The following CSMD1 variants were observed in gnomAD, a reference collection of about 807,000 sequenced individuals.
CSMD1 encodes the protein CUB and sushi domain-containing protein 1.
In CSMD1, 213 loss-of-function variants were observed where a neutral mutation model predicts 417.5. The observed-to-expected ratio is 0.51, with a 90% CI of 0.46 to 0.57. CSMD1 has a LOEUF of 0.57. CSMD1 is among the 20% of genes least tolerant of loss of function. The pLI is 0.00. For synonymous variants in CSMD1, 2,862 were observed against 1,736.8 expected (o/e 1.65, Z -16.11); for missense variants, 6,923 against 4,529.7 (o/e 1.53, Z -15.17).
rs1187651578 is a variant in CSMD1 at position 4,184,759 on chromosome 8, G to T, written c.416-152660C>A. Among the ~76,000 whole-genome samples, 4 of 115,670 alleles carry T rather than the reference G, an allele frequency of 3.5e-5. No individual in the cohort carries two copies. In the East Asian group the frequency reaches 8.0e-4, roughly 23 times the overall value. The allele number at this position is 115,670 out of a possible 152,430, so 75.9% of individuals were successfully genotyped here. A position where few individuals can be genotyped will look rare whatever the true frequency, so the allele number is the denominator to read the frequency against. On this transcript the variant is annotated intron_variant, in intron 3 of 69. Transcript: ENST00000635120. ...CTAATGGGTACTGGGCTTAATACCT[G>T]GGTGATGAAATAATCTGTACCACAA...
chr8:3,817,477 C>T (rs1043563947), intron 5 of CSMD1, among the ~76,000 whole-genome samples: 1 of 151,606 alleles, frequency 6.6e-6, no homozygotes, highest in Non-Finnish European at 1.5e-5. Context: ...GACGGGGTTT[C>T]ACCTCGTTAG....
chr8:4,373,999 C>G (rs1802558651), intron 3 of CSMD1, among the ~76,000 whole-genome samples: 1 of 152,164 alleles, frequency 6.6e-6, no homozygotes, highest in East Asian at 1.9e-4. Flanking sequence ...CCAGTATGAA[C>G]TATGACAGAA....
At chr8:4,328,586 A>C (rs1428219404) in intron 3 of CSMD1, among the ~76,000 whole-genome samples, 1 of 152,174 alleles carries the variant, frequency 6.6e-6, no homozygotes, top group Admixed American at 6.5e-5. Flanking sequence ...AATGAAAAAA[A>C]ATTAAAAATG....
At chr8:3,163,745 C>G (rs1820040274) in intron 37 of CSMD1, among the ~76,000 whole-genome samples, 1 of 152,170 alleles carries the variant, frequency 6.6e-6, no homozygotes, top group Non-Finnish European at 1.5e-5. Context: ...GTCGAAGCTA[C>G]AGAGTCAGCA....
intron 50 of CSMD1, among the ~76,000 whole-genome samples, chr8:3,045,925 G>A (rs114486958): frequency 6.6e-6 from 1 of 152,116 alleles, no homozygotes; most frequent in Non-Finnish European, 1.5e-5. Flanking sequence ...GAAGACAGTA[G>A]GGGGTATAGG....
At chr8:4,270,091 T>C (rs1032586284) in intron 3 of CSMD1, among the ~76,000 whole-genome samples, 1 of 152,158 alleles carries the variant, frequency 6.6e-6, no homozygotes, top group African/African-American at 2.4e-5. Context: ...CATGATCAGA[T>C]CAATATTTCA....
At chr8:4,241,771 T>G (rs531649399) in intron 3 of CSMD1, among the ~76,000 whole-genome samples, 7 of 151,490 alleles carry the variant, frequency 4.6e-5, no homozygotes, top group Non-Finnish European at 1.0e-4. Context: ...TGGCGTGATC[T>G]CAGATGTCTG....
rs924419524 is a variant in CSMD1, at chr8:2,943,924, C to G, written c.10403-1320G>C. Among the ~76,000 whole-genome samples, 3 of 152,114 alleles carry G rather than the reference C, an allele frequency of 2.0e-5. No homozygotes were observed. The South Asian group carries it at 6.2e-4, about 32-fold the overall frequency. The stretch of plus-strand genomic sequence containing the variant: ...TTTATTGTTTTATAAACCAGAAATG[C>G]AAAAAATCAATCAAATATTAAAAAT... On this transcript the variant is annotated intron_variant, in intron 68 of 69. Transcript: ENST00000635120.
At chr8:4,994,142 C>T (rs1811629487) in intron 1 of CSMD1, among the ~76,000 whole-genome samples, 190 bp downstream of exon 1, 1 of 151,850 alleles carries the variant, frequency 6.6e-6, no homozygotes, top group Non-Finnish European at 1.5e-5. Flanking sequence ...GGCGGGGGCC[C>T]AGGAGGGCTG....
intron 3 of CSMD1, among the ~76,000 whole-genome samples, chr8:4,176,411 T>A (rs910936676): frequency 6.6e-6 from 1 of 152,120 alleles, no homozygotes; most frequent in Non-Finnish European, 1.5e-5. Context: ...TTTTCTCTTA[T>A]TTACCATGAT....
chr8:4,554,610 G>A (rs932337375), intron 2 of CSMD1, among the ~76,000 whole-genome samples: 2 of 152,140 alleles, frequency 1.3e-5, no homozygotes, highest in Non-Finnish European at 2.9e-5. Flanking sequence ...CCGTTCTCAG[G>A]ATGTGTTGAT....
chr8:4,437,114 T>A (rs1798192821), intron 2 of CSMD1, among the ~76,000 whole-genome samples: 6 of 152,174 alleles, frequency 3.9e-5, no homozygotes, highest in Admixed American at 3.9e-4. Flanking sequence ...CTACAGTTGC[T>A]ACCCAAAAGA....
At chr8:3,956,798 T>C (rs2740851) in intron 5 of CSMD1, among the ~76,000 whole-genome samples, 68,806 of 151,888 alleles carry the variant, frequency 0.45, 16,455 homozygotes, top group East Asian at 0.73. Context: ...TTTAGGAGCT[T>C]GAAGGACACC....
chr8:4,827,759 G>A lies in CSMD1; in HGVS notation c.85+166573C>T, dbSNP rs112641287. Among the ~76,000 whole-genome samples, 486 of 152,200 alleles carry A rather than the reference G, an allele frequency of 3.2e-3. 1 individual carries two copies. Among genetic ancestry groups the A allele is most frequent in the Non-Finnish European group, 5.4e-3 (365 of 67,998 alleles). ...ACTCCACTGTTATTTTCCCCCAAAG[G>A]ATTTCATTAAAGATTGAAATTCAGC... On this transcript the variant is annotated intron_variant, in intron 1 of 69. Coordinates refer to ENST00000635120, the MANE Select transcript of CSMD1 (RefSeq NM_033225.6).
intron 20 of CSMD1, among the ~76,000 whole-genome samples, chr8:3,366,108 A>G (rs17065945): frequency 0.03 from 4,593 of 152,316 alleles, 94 homozygotes; most frequent in East Asian, 0.08. Context: ...TATGAAAATT[A>G]CATTTGATCT....
At chr8:4,930,581 G>C (rs1392240780) in intron 1 of CSMD1, among the ~76,000 whole-genome samples, 1 of 152,134 alleles carries the variant, frequency 6.6e-6, no homozygotes, top group Non-Finnish European at 1.5e-5. Context: ...TCCCCTGCTA[G>C]GATTGGCAAG....
At chr8:4,236,376 G>A (rs965500783) in intron 3 of CSMD1, among the ~76,000 whole-genome samples, 1 of 152,084 alleles carries the variant, frequency 6.6e-6, no homozygotes, top group African/African-American at 2.4e-5. Context: ...CTCGGAGAAA[G>A]GGGTGAAGAC....
intron 1 of CSMD1, among the ~76,000 whole-genome samples, chr8:4,939,230 G>C (rs1807820007): frequency 6.6e-6 from 1 of 152,082 alleles, no homozygotes. Context: ...AAGCAAATAT[G>C]GAAAATTATA....
chr8:3,797,703 TACAA>T (rs1157104012), intron 5 of CSMD1, among the ~76,000 whole-genome samples: 4 of 151,982 alleles, frequency 2.6e-5, no homozygotes, highest in African/African-American at 7.2e-5. Context: ...TTTTGGCTAA[TACAA>T]ACAAAGCTGC....
Sources: allele counts gnomAD v4.1 joint callset (sites outside exome capture counted in the v4.1 genomes callset), GRCh38; gene constraint gnomAD v4.1.1; transcripts MANE v1.5; gene names NCBI Gene and HGNC (gene_info 2026-07-23, HGNC 2026-07-21).